Variants in KIAA2012 observed in about 807,000 individuals in gnomAD.
KIAA2012 encodes the protein KIAA2012.
A neutral mutation model predicts 150.6 loss-of-function variants in KIAA2012; 125 were observed. The observed-to-expected ratio is 0.83, with a 90% CI of 0.72 to 0.96. The LOEUF is 0.96. Ranked by LOEUF, KIAA2012 falls within the 40% of genes least tolerant of loss-of-function variation. KIAA2012 has a pLI of 0.00. For missense variants in KIAA2012, 1,219 were observed against 1,354.9 expected (o/e 0.90, Z 1.57); for synonymous variants, 462 against 504.7 (o/e 0.92, Z 1.13).
At chr2:202,204,547 T>C (rs1013877682) in intron 23 of KIAA2012, among the ~76,000 whole-genome samples, 2 of 152,236 alleles carry the variant, frequency 1.3e-5, no homozygotes, top group Admixed American at 6.5e-5. Context: ...CCCTACTCTA[T>C]ACTTAACTGT....
chr2:202,093,021 A>G lies in KIAA2012; in HGVS notation c.530-9A>G, dbSNP rs1038225246. ...TATTTCTATCAATATCTCCTGATCTACTCTTCAGGATACATCAAGGATTCT... is the reference window on the plus strand; with the variant it reads ...TATTTCTATCAATATCTCCTGATCTGCTCTTCAGGATACATCAAGGATTCT... On this transcript the variant is annotated splice_polypyrimidine_tract_variant and intron_variant, in intron 3 of 23. Coordinates refer to ENST00000498697, the MANE Select transcript of KIAA2012 (RefSeq NM_001277372.4). 6 of 1,546,504 alleles carry G rather than the reference A, an allele frequency of 3.9e-6. No individual in the cohort carries two copies. The African/African-American group carries it at 6.9e-5, about 18-fold the overall frequency.
rs71025287 is a variant in KIAA2012 at position 202,199,920 on chromosome 2, ATTTTTTTTTTTTTT to A, written c.3408-2493_3408-2480del. Among the ~76,000 whole-genome samples, 3 of 76,270 alleles carry A rather than the reference ATTTTTTTTTTTTTT, an allele frequency of 3.9e-5. No homozygotes were observed. In the Admixed American group the frequency reaches 5.7e-4, roughly 14 times the overall value. 50.0% of individuals were successfully genotyped at this position (76,270 alleles called of 152,430 possible). A position where few individuals can be genotyped will look rare whatever the true frequency, so the allele number is the denominator to read the frequency against. On this transcript the variant is annotated intron_variant, in intron 22 of 23. Coordinates refer to ENST00000498697, the MANE Select transcript of KIAA2012 (RefSeq NM_001277372.4). The stretch of plus-strand genomic sequence containing the variant: ...TGCATCTTCCTCCTTGCCCCTCATA[ATTTTTTTTTTTTTT>A]TTTTTTTTTTTTTTTGAGACGGAGT...
intron 15 of KIAA2012, among the ~76,000 whole-genome samples, chr2:202,175,260 C>A (rs1049621508): frequency 1.3e-5 from 2 of 152,190 alleles, no homozygotes; most frequent in African/African-American, 4.8e-5. Flanking sequence ...GAAACTTGAT[C>A]AGATTCCGGT....
intron 21 of KIAA2012, among the ~76,000 whole-genome samples, chr2:202,195,624 C>T (rs1692399566): frequency 6.6e-6 from 1 of 152,038 alleles, no homozygotes; most frequent in South Asian, 2.1e-4. Context: ...AGAACTTACT[C>T]CTTCTATCCA....
At chr2:202,145,508 A>G (rs1358118598) in intron 13 of KIAA2012, among the ~76,000 whole-genome samples, 1 of 152,138 alleles carries the variant, frequency 6.6e-6, no homozygotes, top group African/African-American at 2.4e-5. Flanking sequence ...ATAAGTCTGT[A>G]TTAATCGATG....
intron 13 of KIAA2012, among the ~76,000 whole-genome samples, chr2:202,144,439 T>C (rs1691256900): frequency 1.3e-5 from 2 of 152,230 alleles, no homozygotes; most frequent in Admixed American, 6.5e-5. Flanking sequence ...TACCGCCATC[T>C]GTTTCCTTGG....
intron 15 of KIAA2012, among the ~76,000 whole-genome samples, chr2:202,171,295 A>C (rs903789015): frequency 1.7e-4 from 26 of 152,232 alleles, no homozygotes; most frequent in African/African-American, 6.3e-4. Context: ...AGGTGTGGCC[A>C]ATCGGGGAGG....
At position 202,161,227 on chromosome 2, in the gene KIAA2012, G is replaced by A. The variant is rs74691441; in HGVS notation, c.2047-4057G>A. Among the ~76,000 whole-genome samples, 1,299 of 152,082 alleles carry A rather than the reference G, an allele frequency of 8.5e-3. 4 individuals are homozygous for A. The highest frequency in any genetic ancestry group is 0.017 in the Middle Eastern group (5 of 294). Reference sequence around the variant, plus strand: ...CTGTACTTCAGCCACCGGAGAAAGCGCCTCTCACATGTTGGTTTCAATGCT... The same window carrying A: ...CTGTACTTCAGCCACCGGAGAAAGCACCTCTCACATGTTGGTTTCAATGCT... On this transcript the variant is annotated intron_variant, in intron 14 of 23. Transcript: ENST00000498697.
chr2:202,175,299 A>G (rs1181736244), intron 15 of KIAA2012, among the ~76,000 whole-genome samples: 1 of 152,252 alleles, frequency 6.6e-6, no homozygotes, highest in Admixed American at 6.5e-5. Flanking sequence ...TTGGCAGTCT[A>G]TAAATTCAGT....
At chr2:202,145,678 C>CT (rs36059685) in intron 13 of KIAA2012, among the ~76,000 whole-genome samples, 2,830 of 75,006 alleles carry the variant, frequency 0.038, 19 homozygotes, top group African/African-American at 0.043. Flanking sequence ...TTGAGAGGGT[C>CT]TTTTTTTTTT....
intron 4 of KIAA2012, among the ~76,000 whole-genome samples, chr2:202,097,092 A>G (rs1397348486): frequency 6.6e-6 from 1 of 152,204 alleles, no homozygotes; most frequent in Non-Finnish European, 1.5e-5. Flanking sequence ...CTCACAGTTT[A>G]CAAGGGGCTG....
Position 202,177,042 on chromosome 2 carries a change from GCCA to G in KIAA2012, c.2120-7707_2120-7705del, listed in dbSNP as rs1416773327. 8.5e-5 allele frequency among the ~76,000 whole-genome samples: 13 copies of G among 152,098 alleles called. No homozygotes were observed. The East Asian group carries it at 2.5e-3, about 29-fold the overall frequency. ...TAAACAATTGGAAATAATCAAAATG[GCCA>G]CCAATAGTAAAATGGATTTTTAAAT... On this transcript the variant is annotated intron_variant, in intron 15 of 23. Coordinates refer to ENST00000498697, the MANE Select transcript of KIAA2012 (RefSeq NM_001277372.4).
chr2:202,141,989 G>A (rs1691206242), intron 13 of KIAA2012, among the ~76,000 whole-genome samples: 2 of 152,078 alleles, frequency 1.3e-5, no homozygotes. Context: ...TCTATACTCA[G>A]TAAAGATTAC....
At chr2:202,146,305 C>A (rs1016210751) in intron 13 of KIAA2012, among the ~76,000 whole-genome samples, 2 of 152,052 alleles carry the variant, frequency 1.3e-5, no homozygotes, top group Non-Finnish European at 2.9e-5. Context: ...GAGTTTGAGA[C>A]CAGCCTGGGC....
intron 11 of KIAA2012, among the ~76,000 whole-genome samples, chr2:202,119,647 A>G (rs956059071): frequency 2.0e-5 from 3 of 152,092 alleles, no homozygotes; most frequent in Admixed American, 2.0e-4. Flanking sequence ...TTCCCCTCCT[A>G]AGATGGTTCT....
At chr2:202,113,738 CT>C in intron 11 of KIAA2012, 2 of 312,390 alleles carry the variant, frequency 6.4e-6, no homozygotes, top group Non-Finnish European at 1.2e-5. Context: ...TGATAAAGTC[CT>C]TTTGGTATTT....
intron 2 of KIAA2012, among the ~76,000 whole-genome samples, chr2:202,085,723 G>T (rs1380804086): frequency 2.0e-5 from 3 of 152,174 alleles, no homozygotes; most frequent in Admixed American, 2.0e-4. Context: ...AATAGGAAAT[G>T]AATACACCAA....
At chr2:202,165,480 G>C (rs1018506293) in intron 15 of KIAA2012, 124 bp downstream of exon 15, 1 of 891,772 alleles carries the variant, frequency 1.1e-6, no homozygotes, top group African/African-American at 1.7e-5. Flanking sequence ...CCAGCACTTT[G>C]TGAGGCCAAG....
In KIAA2012 at chr2:202,186,988, G is replaced by A; in HGVS notation, c.2266G>A (p.Glu756Lys). 1 of 1,550,628 alleles carries A rather than the reference G, an allele frequency of 6.4e-7. No individual in the cohort carries two copies. Among genetic ancestry groups the A allele is most frequent in the South Asian group, 1.2e-5 (1 of 84,056 alleles). Residue 756 changes from glutamate to lysine, a missense_variant, in exon 17 of 24, where the codon GAG becomes AAG. Glu to Lys is a moderately conservative substitution (Grantham distance 56, BLOSUM62 1). Transcript: ENST00000498697. ...LHRGLLGYGP[E>K]SPERLSAVYT... ...CAGAGGACTTCTGGGATACGGGCCT[G>A]AGTCACCCGAGAGGTTGAGTGCTGT...
Sources: gnomAD v4.1 joint callset for allele counts (sites outside exome capture counted in the v4.1 genomes callset) on GRCh38, gnomAD v4.1.1 for gene constraint, MANE v1.5 for transcripts, NCBI Gene and HGNC (gene_info 2026-07-23, HGNC 2026-07-21) for gene names.